Variants in DNAAF11 observed in about 807,000 individuals in gnomAD.
The protein encoded by DNAAF11 is leucine rich repeat containing 6.
A neutral mutation model predicts 60.8 loss-of-function variants in DNAAF11; 45 were observed. The ratio of observed to expected loss-of-function variants is 0.74; its 90% confidence interval spans 0.58 to 0.95. DNAAF11 has a LOEUF of 0.95. DNAAF11 is among the 40% of genes least tolerant of loss of function. The pLI is 0.00. For missense variants in DNAAF11, 546 were observed against 546.2 expected (o/e 1.00, Z 0.00); for synonymous variants, 191 against 183.5 (o/e 1.04, Z -0.33).
At chr8:132,645,146 G>A (rs1822250495) in intron 3 of DNAAF11, among the ~76,000 whole-genome samples, 1 of 152,176 alleles carries the variant, frequency 6.6e-6, no homozygotes, top group African/African-American at 2.4e-5. Context: ...TCCAGAGGTA[G>A]GATCAGGCAG....
intron 7 of DNAAF11, among the ~76,000 whole-genome samples, chr8:132,617,247 C>T (rs961448528): frequency 1.8e-4 from 28 of 151,816 alleles, no homozygotes; most frequent in African/African-American, 6.3e-4. Context: ...CCATGAAGAG[C>T]GAATGTGAAA....
At position 132,622,562 on chromosome 8, in the gene DNAAF11, C is replaced by A. The variant is rs202188721; in HGVS notation, c.914+49G>T. On this transcript the variant is annotated intron_variant, in intron 7 of 11. Coordinates refer to ENST00000620350, the MANE Select transcript of DNAAF11 (RefSeq NM_012472.6). ...AATTGAAACAATGATTGACCAACAC[C>A]ATTGACTGACACTTTTGGGTCTTTA... 4.0e-5 allele frequency: 54 copies of A among 1,350,318 alleles called. No homozygotes were observed. The East Asian group carries it at 1.2e-3, about 31-fold the overall frequency. 83.6% of individuals were successfully genotyped at this position (1,350,318 alleles called of 1,614,324 possible).
Position 132,574,525 on chromosome 8 carries a change from G to A in DNAAF11, c.1227-2045C>T, listed in dbSNP as rs552861921. On this transcript the variant is annotated intron_variant, in intron 11 of 11. Coordinates refer to ENST00000620350, the MANE Select transcript of DNAAF11 (RefSeq NM_012472.6). The stretch of plus-strand genomic sequence containing the variant: ...TTCATATGTGTTGTTGCAACCCATT[G>A]CAGGAGGAATTAAGCATGTCTTGTG... Among the ~76,000 whole-genome samples the A allele has an allele frequency of 2.0e-5, 3 of 152,356 alleles. No homozygotes were observed. The East Asian group carries it at 5.8e-4, about 29-fold the overall frequency.
chr8:132,577,911 C>T (rs570125638), intron 11 of DNAAF11, among the ~76,000 whole-genome samples: 3 of 152,124 alleles, frequency 2.0e-5, no homozygotes, highest in African/African-American at 4.8e-5. Context: ...AGGTGATCCA[C>T]CTGCCTCAGC....
At chr8:132,699,192 C>T in the DNAAF11 span, among the ~76,000 whole-genome samples, 12 of 151,044 alleles carry the variant, frequency 7.9e-5, no homozygotes, top group East Asian at 5.8e-4. Context: ...CCAGGGGTGG[C>T]GTGCCTGAAT....
At chr8:132,614,535 C>A (rs1818962179) in intron 8 of DNAAF11, among the ~76,000 whole-genome samples, 1 of 152,070 alleles carries the variant, frequency 6.6e-6, no homozygotes, top group African/African-American at 2.4e-5. Flanking sequence ...GTGATGAGGG[C>A]AGGCAGGAGG....
At chr8:132,575,426 C>A (rs1814638655) in intron 11 of DNAAF11, among the ~76,000 whole-genome samples, 1 of 152,204 alleles carries the variant, frequency 6.6e-6, no homozygotes, top group Non-Finnish European at 1.5e-5. Context: ...GTATGCTTTT[C>A]AGCACACATC....
intron 2 of DNAAF11, among the ~76,000 whole-genome samples, chr8:132,658,446 C>T (rs922241725): frequency 1.3e-5 from 2 of 152,136 alleles, no homozygotes; most frequent in Non-Finnish European, 2.9e-5. Context: ...CCTCAGCCTC[C>T]TGAGTAGCTG....
upstream of DNAAF11, among the ~76,000 whole-genome samples, chr8:132,676,391 C>T (rs552682015): frequency 2.4e-4 from 36 of 152,192 alleles, no homozygotes; most frequent in African/African-American, 8.2e-4. Context: ...TTAAAAGGTA[C>T]CATTATTATG....
chr8:132,596,018 T>A (rs1027223968), intron 10 of DNAAF11, among the ~76,000 whole-genome samples: 1 of 152,088 alleles, frequency 6.6e-6, no homozygotes, highest in Non-Finnish European at 1.5e-5. Context: ...CAACTGTGTA[T>A]CAGTTGATGG....
chr8:132,582,021 C>A (rs1336430242), intron 11 of DNAAF11, among the ~76,000 whole-genome samples: 1 of 152,168 alleles, frequency 6.6e-6, no homozygotes, highest in Non-Finnish European at 1.5e-5. Flanking sequence ...GAGAAACAAA[C>A]CACTCTGCCA....
chr8:132,663,145 C>T (rs67194941), intron 1 of DNAAF11, among the ~76,000 whole-genome samples: 1 of 152,178 alleles, frequency 6.6e-6, no homozygotes. Context: ...CAGCCCAAAG[C>T]GCCCAGGAAG....
intron 10 of DNAAF11, among the ~76,000 whole-genome samples, chr8:132,597,741 A>G (rs1472857689): frequency 6.6e-6 from 1 of 152,216 alleles, no homozygotes. Context: ...GTTGACAACA[A>G]GCTGGGTAAC....
chr8:132,661,797 T>C, intron 1 of DNAAF11, 170 bp from the exon 2 acceptor site: 1 of 694,748 alleles, frequency 1.4e-6, no homozygotes, highest in Non-Finnish European at 2.6e-6. Context: ...CCTCCTGGAG[T>C]TTTTGTGATG....
chr8:132,656,513 T>A (rs1823587139), intron 3 of DNAAF11, among the ~76,000 whole-genome samples: 1 of 152,172 alleles, frequency 6.6e-6, no homozygotes, highest in Admixed American at 6.5e-5. Context: ...CTGTTGTTGC[T>A]CAGGCTGGAG....
chr8:132,598,933 C>A (rs1456298984), intron 10 of DNAAF11, among the ~76,000 whole-genome samples: 1 of 152,134 alleles, frequency 6.6e-6, no homozygotes, highest in African/African-American at 2.4e-5. Context: ...CAGAGCAGAA[C>A]TGAAGGAGAC....
intron 10 of DNAAF11, among the ~76,000 whole-genome samples, chr8:132,590,901 T>G (rs1424335742): frequency 6.6e-6 from 1 of 152,232 alleles, no homozygotes; most frequent in African/African-American, 2.4e-5. Context: ...TATTTTACAT[T>G]GCTATTCAAA....
chr8:132,701,786 T>A, the DNAAF11 span, among the ~76,000 whole-genome samples: 3 of 152,148 alleles, frequency 2.0e-5, no homozygotes, highest in African/African-American at 7.2e-5. Context: ...TTACAATAAA[T>A]CATAGCAGGG....
chr8:132,666,367 C>T (rs1246473208), intron 1 of DNAAF11, among the ~76,000 whole-genome samples: 1 of 152,082 alleles, frequency 6.6e-6, no homozygotes, highest in Non-Finnish European at 1.5e-5. Flanking sequence ...GATTACTATA[C>T]AGTATATGTA....
Sources: gnomAD v4.1 joint callset for allele counts (sites outside exome capture counted in the v4.1 genomes callset) on GRCh38, gnomAD v4.1.1 for gene constraint, MANE v1.5 for transcripts, NCBI Gene and HGNC (gene_info 2026-07-23, HGNC 2026-07-21) for gene names.